The following PARD3B variants were observed in gnomAD, a reference collection of about 807,000 sequenced individuals.
PARD3B encodes the protein partitioning defective 3 homolog B.
A neutral mutation model predicts 130.2 loss-of-function variants in PARD3B; 103 were observed. The ratio of observed to expected loss-of-function variants is 0.79; its 90% confidence interval spans 0.67 to 0.93. The LOEUF is 0.93. Among genes scored for constraint, PARD3B ranks in the 40% least tolerant of loss-of-function variants. The probability of loss-of-function intolerance (pLI) is 0.00; values close to 1 mark genes in which losing one functional copy is unlikely to be tolerated. For synonymous variants in PARD3B, 583 were observed against 553.2 expected, an observed-to-expected ratio of 1.05 and a Z score of -0.76; for missense variants, 1,609 against 1,499.2, an observed-to-expected ratio of 1.07 and a Z score of -1.21.
At chr2:204,896,065 C>G (rs1208896552) in intron 2 of PARD3B, among the ~76,000 whole-genome samples, 1 of 152,160 alleles carries the variant, frequency 6.6e-6, no homozygotes, top group Non-Finnish European at 1.5e-5. Context: ...TACAGGTTCT[C>G]TACTCAGACT....
At chr2:205,557,256 G>A (rs914468279) in intron 22 of PARD3B, among the ~76,000 whole-genome samples, 8 of 152,096 alleles carry the variant, frequency 5.3e-5, no homozygotes, top group African/African-American at 1.7e-4. Context: ...CACCAGCTGG[G>A]TCCCTTGCTG....
At chr2:205,069,317 C>T (rs1167730644) in intron 4 of PARD3B, among the ~76,000 whole-genome samples, 1 of 151,864 alleles carries the variant, frequency 6.6e-6, no homozygotes, top group Admixed American at 6.6e-5. Context: ...TTAAACTTCT[C>T]AGTGTGGTTT....
chr2:205,557,745 C>CT lies in PARD3B; in HGVS notation c.3260+4349dup, dbSNP rs535255748. On this transcript the variant is annotated intron_variant, in intron 22 of 22. Transcript: ENST00000406610. ...ATTGAAGGATTTTTTATTGTTAGCT[C>CT]TTTTTTTATTTTATCTCAGGGGAAG... is the stretch of plus-strand genomic sequence containing the variant. Among the ~76,000 whole-genome samples, 12 of 152,252 alleles carry CT rather than the reference C, an allele frequency of 7.9e-5. No homozygotes were observed. In the South Asian group the frequency reaches 2.3e-3, roughly 29 times the overall value.
intron 2 of PARD3B, among the ~76,000 whole-genome samples, chr2:204,735,780 G>A (rs2039718581): frequency 6.6e-6 from 1 of 152,102 alleles, no homozygotes; most frequent in Non-Finnish European, 1.5e-5. Flanking sequence ...TATTCATAGG[G>A]GAAGCATGGT....
chr2:204,989,184 G>A (rs1395937546), intron 3 of PARD3B, among the ~76,000 whole-genome samples: 1 of 152,236 alleles, frequency 6.6e-6, no homozygotes. Context: ...GTTCAAGGAC[G>A]ATTTTTCAAA....
intron 3 of PARD3B, among the ~76,000 whole-genome samples, chr2:205,012,236 C>A (rs977045586): frequency 2.6e-5 from 4 of 152,038 alleles, no homozygotes; most frequent in African/African-American, 9.7e-5. Context: ...TGGTTTTCTT[C>A]GTATTTGTGA....
intron 2 of PARD3B, among the ~76,000 whole-genome samples, chr2:204,792,857 C>G (rs1379229864): frequency 6.6e-6 from 1 of 151,916 alleles, no homozygotes; most frequent in Non-Finnish European, 1.5e-5. Context: ...CCTCCTACAT[C>G]TCTCTTAATC....
intron 21 of PARD3B, among the ~76,000 whole-genome samples, chr2:205,522,882 A>G (rs2051142215): frequency 6.6e-6 from 1 of 152,088 alleles, no homozygotes; most frequent in Non-Finnish European, 1.5e-5. Flanking sequence ...TTGAGAAAAT[A>G]TGGTAAAACA....
In PARD3B at chr2:205,059,004, A is replaced by G. The variant is rs1699906287; in HGVS notation, c.504+11314A>G. 2.6e-5 allele frequency among the ~76,000 whole-genome samples: 4 copies of G among 151,756 alleles called. No homozygotes were observed. The South Asian group carries it at 8.3e-4, about 32-fold the overall frequency. On this transcript the variant is annotated intron_variant, in intron 4 of 22. Coordinates refer to ENST00000406610, the MANE Select transcript of PARD3B (RefSeq NM_001302769.2). ...GTATCACATCCAAGAAATCATTACC[A>G]AATTCCACATTATGAAGATTTTGCC...
At chr2:205,098,609 T>G (rs552728961) in intron 4 of PARD3B, among the ~76,000 whole-genome samples, 1 of 152,350 alleles carries the variant, frequency 6.6e-6, no homozygotes, top group African/African-American at 2.4e-5. Flanking sequence ...AACCTAGTGA[T>G]GCTTCATAAT....
chr2:205,041,865 A>C (rs1033169886), intron 3 of PARD3B, among the ~76,000 whole-genome samples: 15 of 152,110 alleles, frequency 9.9e-5, no homozygotes, highest in Non-Finnish European at 1.6e-4. Flanking sequence ...GTGATTCTTC[A>C]GGACCTTGGT....
intron 2 of PARD3B, among the ~76,000 whole-genome samples, chr2:204,801,878 C>A (rs763997052): frequency 2.6e-5 from 4 of 152,090 alleles, no homozygotes; most frequent in East Asian, 3.9e-4. Flanking sequence ...GAGATACATT[C>A]CATCAGTACA....
rs1039339232 is a variant in PARD3B at position 205,536,184 on chromosome 2, A to G, written c.3181-17140A>G. Among the ~76,000 whole-genome samples, 4 of 152,236 alleles carry G rather than the reference A, an allele frequency of 2.6e-5. No homozygotes were observed. The East Asian group carries it at 7.7e-4, about 29-fold the overall frequency. ...ATTTGAATTCTGATTGAGAATTGTG[A>G]GGTGGAACAAGCGTGTGGTGTCTCT... On this transcript the variant is annotated intron_variant, in intron 21 of 22. Coordinates refer to ENST00000406610, the MANE Select transcript of PARD3B (RefSeq NM_001302769.2).
intron 11 of PARD3B, among the ~76,000 whole-genome samples, chr2:205,171,956 C>T (rs1207165180): frequency 6.6e-6 from 1 of 152,132 alleles, no homozygotes; most frequent in African/African-American, 2.4e-5. Context: ...AGGCATTATA[C>T]AAATGTCTAA....
At chr2:204,723,965 C>T (rs1396258610) in intron 2 of PARD3B, among the ~76,000 whole-genome samples, 1 of 152,050 alleles carries the variant, frequency 6.6e-6, no homozygotes, top group African/African-American at 2.4e-5. Flanking sequence ...AGTTCTTATA[C>T]ACCTTCTGGG....
At chr2:205,518,300 TGTTGA>T (rs1156257007) in intron 21 of PARD3B, among the ~76,000 whole-genome samples, 3 of 152,212 alleles carry the variant, frequency 2.0e-5, no homozygotes, top group Non-Finnish European at 4.4e-5. Flanking sequence ...AGTTAGGCCT[TGTTGA>T]ATTGAACCCT....
At chr2:204,693,456 T>G (rs2037447786) in intron 2 of PARD3B, among the ~76,000 whole-genome samples, 1 of 152,056 alleles carries the variant, frequency 6.6e-6, no homozygotes, top group Non-Finnish European at 1.5e-5. Flanking sequence ...AACCTCTTTG[T>G]GCCTTAGTTT....
intron 19 of PARD3B, among the ~76,000 whole-genome samples, chr2:205,436,262 T>TG (rs572299475): frequency 1.7e-4 from 26 of 152,328 alleles, no homozygotes; most frequent in African/African-American, 6.0e-4. Flanking sequence ...ACATGAATTT[T>TG]GGGAGACATT....
At chr2:205,439,193 T>C (rs536580172) in intron 19 of PARD3B, among the ~76,000 whole-genome samples, 51 of 152,298 alleles carry the variant, frequency 3.3e-4, no homozygotes, top group African/African-American at 1.2e-3. Flanking sequence ...TCAGTTGTTT[T>C]TTTAACTCGT....
Sources: gnomAD v4.1 joint callset for allele counts (sites outside exome capture counted in the v4.1 genomes callset) on GRCh38, gnomAD v4.1.1 for gene constraint, MANE v1.5 for transcripts, NCBI Gene and HGNC (gene_info 2026-07-23, HGNC 2026-07-21) for gene names.